The following COQ9 variants were observed in gnomAD, a reference collection of about 807,000 sequenced individuals.
The protein encoded by COQ9 is ubiquinone biosynthesis protein COQ9, mitochondrial.
Under a neutral mutation model 42.4 loss-of-function variants are expected in COQ9, and 35 were observed. That is an observed-to-expected ratio of 0.83 (90% CI 0.63 to 1.10). The LOEUF (loss-of-function observed/expected upper bound fraction) is 1.10, where lower values mean the gene tolerates loss of function less well. COQ9 is among the 50% of genes least tolerant of loss of function. The pLI is 0.00. For synonymous variants in COQ9, 155 were observed against 155.1 expected, an observed-to-expected ratio of 1.00 and a Z score of 0.00; for missense variants, 406 against 414.6, an observed-to-expected ratio of 0.98 and a Z score of 0.18.
At chr16:57,450,232 G>A (rs2030250584) in intron 1 of COQ9, among the ~76,000 whole-genome samples, 1 of 152,228 alleles carries the variant, frequency 6.6e-6, no homozygotes, top group East Asian at 1.9e-4. Context: ...TGGCCAACAT[G>A]GCGAAACTCC....
At position 57,447,520 on chromosome 16, in the gene COQ9, G is replaced by C; in HGVS notation, c.15G>C (p.Ala5=). MAAA[A]VSGALGRAGW... ...CCGCTTCCAAAATGGCGGCGGCGGC[G>C]GTATCTGGTGCGCTTGGCCGGGCGG... is the stretch of plus-strand genomic sequence containing the variant. The change falls in exon 1 of 9, where the codon GCG becomes GCC. Residue 5 remains alanine, a synonymous_variant. Transcript: ENST00000262507. 7.6e-7 allele frequency: 1 copy of C among 1,310,264 alleles called. No homozygotes were observed. The highest frequency in any genetic ancestry group is 9.8e-7 in the Non-Finnish European group (1 of 1,023,564). The allele number at this position is 1,310,264 out of a possible 1,614,324, so 81.2% of individuals were successfully genotyped here. A position where few individuals can be genotyped will look rare whatever the true frequency, so the allele number is the denominator to read the frequency against.
intron 3 of COQ9, 74 bp downstream of exon 3, chr16:57,453,010 C>T: frequency 1.3e-6 from 2 of 1,584,966 alleles, no homozygotes; most frequent in Non-Finnish European, 1.7e-6. Context: ...GAGCGGGGGG[C>T]CTCATGCCTT....
chr16:57,452,788 C>A lies in COQ9; in HGVS notation c.243-13C>A. On this transcript the variant is annotated splice_polypyrimidine_tract_variant and intron_variant, in intron 2 of 8. Transcript: ENST00000262507. The stretch of plus-strand genomic sequence containing the variant: ...GGAGATGAAGTATGCTGGGCTGTGT[C>A]CTCTTGTCTCAGGTATACAGACCAG... 6.2e-7 allele frequency: 1 copy of A among 1,612,748 alleles called. No homozygotes were observed. The highest frequency in any genetic ancestry group is 1.1e-5 in the South Asian group (1 of 91,014).
At position 57,451,109 on chromosome 16, in the gene COQ9, A is replaced by T. The variant is rs146467088; in HGVS notation, c.143A>T (p.Asp48Val). ...TCAGCTGTGGGGCTAAGGTCTTCAG[A>T]TGAGCAGAAGCAGCAGCCTCCCAAC... ...HASAVGLRSS[D>V]EQKQQPPNSF... Residue 48 changes from aspartate (D) to valine (V), a missense_variant, in exon 2 of 9, where the codon GAT (aspartate) becomes GTT (valine). Asp to Val is a radical substitution (Grantham distance 152). Coordinates refer to ENST00000262507, the MANE Select transcript of COQ9 (RefSeq NM_020312.4). 1 of 1,614,168 alleles carries T rather than the reference A, an allele frequency of 6.2e-7. No homozygotes were observed. The highest frequency in any genetic ancestry group is 1.7e-5 in the Admixed American group (1 of 60,022).
chr16:57,457,559 C>T (rs74019519), intron 5 of COQ9: 31 of 237,782 alleles, frequency 1.3e-4, no homozygotes, highest in African/African-American at 6.6e-4. Flanking sequence ...AAAGTACACC[C>T]GAAGTGAGAG....
intron 2 of COQ9, 63 bp downstream of exon 2, chr16:57,451,271 A>C: frequency 6.6e-7 from 1 of 1,505,766 alleles, no homozygotes; most frequent in Non-Finnish European, 9.2e-7. Flanking sequence ...TTCCTCCTTC[A>C]CTTCCTCTCT....
At chr16:57,456,292 T>C (rs944672504) in intron 3 of COQ9, 4 of 586,220 alleles carry the variant, frequency 6.8e-6, no homozygotes, top group Non-Finnish European at 9.3e-6. Context: ...TCTGTGAACT[T>C]GTTATTCAAG....
At chr16:57,453,257 A>G in intron 3 of COQ9, 1 of 423,698 alleles carries the variant, frequency 2.4e-6, no homozygotes, top group Non-Finnish European at 4.4e-6. Flanking sequence ...ATGCATCAGT[A>G]AAAAAGAAAA....
chr16:57,457,093 CTT>C (rs2030422648), intron 5 of COQ9, 78 bp downstream of exon 5: 4 of 1,077,652 alleles, frequency 3.7e-6, no homozygotes, highest in Non-Finnish European at 5.7e-6. Context: ...ACTCAGATGA[CTT>C]TGTACACTGT....
At position 57,451,150 on chromosome 16, in the gene COQ9, C is replaced by G. The variant is rs757251412; in HGVS notation, c.184C>G (p.His62Asp). ...GCCTCCCAACTCATTTTCTCAGCAG[C>G]ATTCTGAGACACAGGGGGCAGAAAA... Reference protein sequence around the residue: ...QQPPNSFSQQHSETQGAEKPD... With the variant: ...QQPPNSFSQQDSETQGAEKPD... Residue 62 changes from histidine (H) to aspartate (D), a missense_variant, in exon 2 of 9, where the codon CAT becomes GAT. Transcript: ENST00000262507. 2 of 1,614,164 alleles carry G rather than the reference C, an allele frequency of 1.2e-6. No individual in the cohort carries two copies. The highest frequency in any genetic ancestry group is 8.5e-7 in the Non-Finnish European group (1 of 1,180,006).
At chr16:57,450,549 A>C (rs974921704) in intron 1 of COQ9, among the ~76,000 whole-genome samples, 1 of 152,222 alleles carries the variant, frequency 6.6e-6, no homozygotes, top group Non-Finnish European at 1.5e-5. Context: ...GCAGATGAGA[A>C]AGCAGATAGA....
rs61730662 is a variant in COQ9 at position 57,459,717 on chromosome 16, G to C, written c.864G>C (p.Lys288Asn). 5,137 of 1,614,082 alleles carry C rather than the reference G, an allele frequency of 3.2e-3. 167 individuals carry two copies. In the African/African-American group the frequency reaches 0.061, roughly 19 times the overall value. The change falls in exon 7 of 9, where the codon AAG becomes AAC. Residue 288 changes from lysine (K) to asparagine (N), a missense_variant. Transcript: ENST00000262507. ...NDAMNMGHTA[K>N]QVKSTGEALV... is the part of the protein sequence containing the mutation. ...CAATGAACATGGGCCACACTGCCAA[G>C]CAGGTAGGTGGGGACTAGCCATTGG...
rs1452129430 is a variant in COQ9 at position 57,451,033 on chromosome 16, G to A, written c.74-7G>A. 6.2e-7 allele frequency: 1 copy of A among 1,613,760 alleles called. No homozygotes were observed. Among genetic ancestry groups the A allele is most frequent in the Non-Finnish European group, 8.5e-7 (1 of 1,180,008 alleles). ...GAATGTCCCTGACTGACCAGTTTCT[G>A]TTTCAGTGGCCCGTTGCCGACAAGC... On this transcript the variant is annotated splice_polypyrimidine_tract_variant and splice_region_variant and intron_variant, in intron 1 of 8. Transcript: ENST00000262507.
chr16:57,455,002 T>C (rs2030369840), intron 3 of COQ9, among the ~76,000 whole-genome samples: 1 of 152,202 alleles, frequency 6.6e-6, no homozygotes, highest in Admixed American at 6.5e-5. Context: ...ATGCTCATTT[T>C]GGCTGCCAGA....
chr16:57,459,866 C>A, intron 7 of COQ9, 146 bp downstream of exon 7: 3 of 1,105,578 alleles, frequency 2.7e-6, no homozygotes, highest in East Asian at 2.4e-5. Flanking sequence ...TCAGGCCAGC[C>A]CTTCCCTAAG....
In COQ9 at chr16:57,451,029, TTC is replaced by T. The variant is rs774441447; in HGVS notation, c.74-9_74-8del. On this transcript the variant is annotated splice_polypyrimidine_tract_variant and intron_variant, in intron 1 of 8. Transcript: ENST00000262507. ...TGTTGAATGTCCCTGACTGACCAGTTTCTGTTTCAGTGGCCCGTTGCCGACAA... is the reference window on the plus strand; with the variant it reads ...TGTTGAATGTCCCTGACTGACCAGTTTGTTTCAGTGGCCCGTTGCCGACAA... 1.2e-5 allele frequency: 19 copies of T among 1,613,684 alleles called. No homozygotes were observed. The South Asian group carries it at 2.0e-4, about 17-fold the overall frequency.
chr16:57,448,368 G>C (rs115811261), intron 1 of COQ9, among the ~76,000 whole-genome samples: 4,726 of 149,960 alleles, frequency 0.032, 257 homozygotes, highest in African/African-American at 0.11. Flanking sequence ...TCTGAGACAG[G>C]GTCTGGCTCC....
intron 2 of COQ9, among the ~76,000 whole-genome samples, chr16:57,452,394 C>T (rs1598036800): frequency 1.3e-5 from 2 of 152,352 alleles, no homozygotes; most frequent in East Asian, 1.9e-4. Context: ...ATAATCCCAG[C>T]GCTTTGGGAG....
intron 2 of COQ9, among the ~76,000 whole-genome samples, 187 bp from the exon 3 acceptor site, chr16:57,452,614 C>T (rs796774858): frequency 1.3e-5 from 2 of 152,282 alleles, no homozygotes; most frequent in African/African-American, 4.8e-5. Context: ...TGGACTCCAG[C>T]CTGGGCGACA....
Sources: gnomAD v4.1 joint callset for allele counts (sites outside exome capture counted in the v4.1 genomes callset) on GRCh38, gnomAD v4.1.1 for gene constraint, MANE v1.5 for transcripts, NCBI Gene and HGNC (gene_info 2026-07-23, HGNC 2026-07-21) for gene names.